Variants in MRPL42 observed in about 807,000 individuals in gnomAD.
MRPL42 encodes large ribosomal subunit protein mL42.
In MRPL42, 17 loss-of-function variants were observed where a neutral mutation model predicts 17.9. That is an observed-to-expected ratio of 0.95 (90% CI 0.65 to 1.42). MRPL42 has a LOEUF of 1.42. Among genes scored for constraint, MRPL42 ranks in the 40% most tolerant of loss-of-function variants. The pLI is 0.00. For synonymous variants in MRPL42, 59 were observed against 54.4 expected, an observed-to-expected ratio of 1.08 and a Z score of -0.37; for missense variants, 177 against 175.2, an observed-to-expected ratio of 1.01 and a Z score of -0.06.
intron 5 of MRPL42, among the ~76,000 whole-genome samples, chr12:93,496,643 TAA>T (rs35375116): frequency 0.37 from 25,628 of 69,314 alleles, 3,189 homozygotes; most frequent in Non-Finnish European, 0.42. Context: ...TCAGATTAGG[TAA>T]AAAAAAAAAA....
intron 5 of MRPL42, among the ~76,000 whole-genome samples, chr12:93,499,802 C>A (rs765388275): frequency 6.6e-6 from 1 of 152,012 alleles, no homozygotes; most frequent in African/African-American, 2.4e-5. Context: ...AGGAAGTTGC[C>A]CATATGAAAC....
chr12:93,489,196 G>T (rs1953365500), intron 5 of MRPL42, among the ~76,000 whole-genome samples: 1 of 152,168 alleles, frequency 6.6e-6, no homozygotes, highest in Non-Finnish European at 1.5e-5. Context: ...GTTAAATCAA[G>T]TGTGATAGAG....
chr12:93,483,502 A>G (rs879649175), intron 4 of MRPL42, among the ~76,000 whole-genome samples: 4 of 152,214 alleles, frequency 2.6e-5, no homozygotes, highest in Non-Finnish European at 5.9e-5. Context: ...AATGGTCAAT[A>G]TTTATGTATC....
Position 93,514,326 on chromosome 12 carries a change from C to T in MRPL42, c.*13105C>T, listed in dbSNP as rs1430261687. ...TTTTTTTTTTTTTTTGAGATGGCGTCTCCTCTGTCAATCTCGGTTCATTGC... is the reference window on the plus strand; with the variant it reads ...TTTTTTTTTTTTTTTGAGATGGCGTTTCCTCTGTCAATCTCGGTTCATTGC... On this transcript the variant is annotated 3_prime_UTR_variant, in exon 6 of 6. Coordinates refer to ENST00000549982, the MANE Select transcript of MRPL42 (RefSeq NM_014050.4). The T allele has an allele frequency of 7.2e-6, 1 of 138,326 alleles. No homozygotes were observed. Among genetic ancestry groups the T allele is most frequent in the Non-Finnish European group, 1.5e-5 (1 of 65,874 alleles). 8.6% of individuals were successfully genotyped at this position (138,326 alleles called of 1,614,324 possible).
chr12:93,489,549 A>G (rs956075051), intron 5 of MRPL42, among the ~76,000 whole-genome samples: 1 of 151,048 alleles, frequency 6.6e-6, no homozygotes, highest in Non-Finnish European at 1.5e-5. Context: ...TTATTTATTT[A>G]TTGAGACATA....
intron 5 of MRPL42, among the ~76,000 whole-genome samples, chr12:93,495,189 A>G (rs1953475377): frequency 1.3e-5 from 2 of 151,870 alleles, no homozygotes; most frequent in African/African-American, 2.4e-5. Flanking sequence ...CTGTGAGCCT[A>G]ATTTTTTGTG....
In MRPL42 at chr12:93,507,920, T is replaced by G. The variant is rs1247199782; in HGVS notation, c.*6699T>G. ...TGAGCCCAGGAGTTCAAGACCAGCC[T>G]GGGCAACATAGTGAGAGCCCATCTG... is the stretch of plus-strand genomic sequence containing the variant. On this transcript the variant is annotated 3_prime_UTR_variant, in exon 6 of 6. Coordinates refer to ENST00000549982, the MANE Select transcript of MRPL42 (RefSeq NM_014050.4). 1 of 152,584 alleles carries G rather than the reference T, an allele frequency of 6.6e-6. No homozygotes were observed. The allele number at this position is 152,584 out of a possible 1,614,324, so 9.5% of individuals were successfully genotyped here.
Position 93,498,026 on chromosome 12 carries a change from A to C in MRPL42, c.384-3150A>C, listed in dbSNP as rs1240322844. Among the ~76,000 whole-genome samples, 75 of 46,594 alleles carry C rather than the reference A, an allele frequency of 1.6e-3. 1 individual carries two copies. The highest frequency in any genetic ancestry group is 5.8e-3 in the African/African-American group (71 of 12,260). The allele number at this position is 46,594 out of a possible 152,430, so 30.6% of individuals were successfully genotyped here. A position where few individuals can be genotyped will look rare whatever the true frequency, so the allele number is the denominator to read the frequency against. On this transcript the variant is annotated intron_variant, in intron 5 of 5. Coordinates refer to ENST00000549982, the MANE Select transcript of MRPL42 (RefSeq NM_014050.4). ...GCTTTTATACTTGCTGTTTGTCTGC[A>C]TAGAACACTCTTTCTCACAGTATCA... is the stretch of plus-strand genomic sequence containing the variant.
rs1953730821 is a variant in MRPL42 at position 93,512,124 on chromosome 12, G to A, written c.*10903G>A. 1 of 152,150 alleles carries A rather than the reference G, an allele frequency of 6.6e-6. No individual in the cohort carries two copies. The highest frequency in any genetic ancestry group is 2.4e-5 in the African/African-American group (1 of 41,424). 9.4% of individuals were successfully genotyped at this position (152,150 alleles called of 1,614,324 possible). On this transcript the variant is annotated 3_prime_UTR_variant, in exon 6 of 6. Coordinates refer to ENST00000549982, the MANE Select transcript of MRPL42 (RefSeq NM_014050.4). ...GAGCATATTTGAACATTTAATTATT[G>A]CTGCAAGAAGCCAGTTTGGTCCCAG...
intron 3 of MRPL42, 68 bp from the exon 4 acceptor site, chr12:93,479,320 A>C: frequency 3.2e-6 from 4 of 1,258,470 alleles, no homozygotes; most frequent in Non-Finnish European, 4.4e-6. Flanking sequence ...TCTCAAAAAA[A>C]AAAAAAAAGG....
intron 5 of MRPL42, among the ~76,000 whole-genome samples, chr12:93,496,634 C>G: frequency 9.6e-6 from 1 of 104,614 alleles, no homozygotes; most frequent in Non-Finnish European, 1.8e-5. Flanking sequence ...GCACTGAGGT[C>G]AGATTAGGTA....
In MRPL42 at chr12:93,507,967, A is replaced by C. The variant is rs1565822565; in HGVS notation, c.*6746A>C. 6.6e-6 allele frequency: 1 copy of C among 152,388 alleles called. No individual in the cohort carries two copies. Among genetic ancestry groups the C allele is most frequent in the Non-Finnish European group, 1.5e-5 (1 of 68,302 alleles). The allele number at this position is 152,388 out of a possible 1,614,324, so 9.4% of individuals were successfully genotyped here. On this transcript the variant is annotated 3_prime_UTR_variant, in exon 6 of 6. Transcript: ENST00000549982. ...TCTGTAAAAAAAAAAATTTTTTGAG[A>C]TGGAGTTTCGCCCTTGTTGCCCAGG...
intron 2 of MRPL42, among the ~76,000 whole-genome samples, chr12:93,476,145 C>G (rs1592768027): frequency 6.6e-6 from 1 of 151,866 alleles, no homozygotes; most frequent in Non-Finnish European, 1.5e-5. Context: ...ACCACCACCA[C>G]CCCCCCTTTA....
chr12:93,471,776 A>G (rs967866828), intron 2 of MRPL42, among the ~76,000 whole-genome samples: 4 of 152,198 alleles, frequency 2.6e-5, no homozygotes, highest in African/African-American at 9.7e-5. Context: ...ATATAAACCA[A>G]AATAAGTCAC....
intron 4 of MRPL42, among the ~76,000 whole-genome samples, chr12:93,483,657 G>C (rs1880571417): frequency 6.6e-6 from 1 of 152,144 alleles, no homozygotes; most frequent in Non-Finnish European, 1.5e-5. Flanking sequence ...TAAAGGCCTA[G>C]TACATTACTG....
intron 2 of MRPL42, among the ~76,000 whole-genome samples, chr12:93,473,487 A>G (rs945208624): frequency 1.3e-5 from 2 of 152,184 alleles, no homozygotes; most frequent in Non-Finnish European, 2.9e-5. Flanking sequence ...GCTGGAGTGC[A>G]ATGGCATGAT....
At chr12:93,481,171 T>A (rs1306663264) in intron 4 of MRPL42, among the ~76,000 whole-genome samples, 1 of 152,156 alleles carries the variant, frequency 6.6e-6, no homozygotes. Flanking sequence ...CCTCCTCAAC[T>A]GTCAAAACTT....
intron 5 of MRPL42, among the ~76,000 whole-genome samples, chr12:93,492,807 G>T (rs1421193996): frequency 6.6e-6 from 1 of 151,866 alleles, no homozygotes; most frequent in Non-Finnish European, 1.5e-5. Flanking sequence ...ATCTTATCAT[G>T]CATGAATTTT....
Position 93,504,903 on chromosome 12 carries a change from G to C in MRPL42, c.*3682G>C, listed in dbSNP as rs2121292456. 6.6e-6 allele frequency: 1 copy of C among 152,288 alleles called. No individual in the cohort carries two copies. Among genetic ancestry groups the C allele is most frequent in the Middle Eastern group, 3.4e-3 (1 of 294 alleles). The allele number at this position is 152,288 out of a possible 1,614,324, so 9.4% of individuals were successfully genotyped here. ...ACCCTGTCTGACTACGTGTATCACT[G>C]TTTCTACCGCCTAACATTGCCTAGC... On this transcript the variant is annotated 3_prime_UTR_variant, in exon 6 of 6. Transcript: ENST00000549982.
Sources: gnomAD v4.1 joint callset for allele counts (sites outside exome capture counted in the v4.1 genomes callset) on GRCh38, gnomAD v4.1.1 for gene constraint, MANE v1.5 for transcripts, NCBI Gene and HGNC (gene_info 2026-07-23, HGNC 2026-07-21) for gene names.